The following SEL1L2 variants were observed in gnomAD, a reference collection of about 807,000 sequenced individuals.
SEL1L2 encodes SEL1L2 adaptor subunit of SYVN1 ubiquitin ligase, also known as protein sel-1 homolog 2.
In SEL1L2, 89 loss-of-function variants were observed where a neutral mutation model predicts 98.8. The observed-to-expected ratio is 0.90, with a 90% confidence interval of 0.76 to 1.07. The LOEUF (loss-of-function observed/expected upper bound fraction) is 1.07. SEL1L2 is among the 50% of genes least tolerant of loss of function. The pLI is 0.00. For missense variants in SEL1L2, 788 were observed against 812.0 expected, an observed-to-expected ratio of 0.97 and a Z score of 0.36; for synonymous variants, 262 against 278.5, an observed-to-expected ratio of 0.94 and a Z score of 0.59.
In SEL1L2 at chr20:13,990,589, C is replaced by T. The variant is rs3848777; in HGVS notation, c.-55G>A. ...ACACAGGCAGAAACTAGGTGATTGGCCCAAGAGCTCCTCTTCTCAGGGACT... is the reference window on the plus strand; with the variant it reads ...ACACAGGCAGAAACTAGGTGATTGGTCCAAGAGCTCCTCTTCTCAGGGACT... On this transcript the variant is annotated 5_prime_UTR_variant, in exon 1 of 20. Coordinates refer to ENST00000284951, the MANE Select transcript of SEL1L2 (RefSeq NM_025229.2). 222,520 of 1,357,468 alleles carry T rather than the reference C, an allele frequency of 0.16. 18,913 individuals carry two copies. Among genetic ancestry groups the T allele is most frequent in the Admixed American group, 0.24 (13,216 of 55,776 alleles). 84.1% of individuals were successfully genotyped at this position (1,357,468 alleles called of 1,614,324 possible).
upstream of SEL1L2, among the ~76,000 whole-genome samples, chr20:13,991,744 G>C (rs961147008): frequency 3.3e-5 from 5 of 152,200 alleles, no homozygotes; most frequent in Non-Finnish European, 7.3e-5. Flanking sequence ...TGTAATCCCA[G>C]CACTTTGGGA....
intron 12 of SEL1L2, among the ~76,000 whole-genome samples, chr20:13,870,491 C>A (rs1234658495): frequency 6.6e-6 from 1 of 152,090 alleles, no homozygotes; most frequent in African/African-American, 2.4e-5. Context: ...GCAGAGGTAG[C>A]AGGTGAAAGG....
At chr20:13,948,030 G>A (rs1480601777) in intron 2 of SEL1L2, among the ~76,000 whole-genome samples, 1 of 152,222 alleles carries the variant, frequency 6.6e-6, no homozygotes, top group Admixed American at 6.5e-5. Context: ...CAAGTGGCCA[G>A]AATGAGCACA....
intron 1 of SEL1L2, among the ~76,000 whole-genome samples, chr20:13,962,586 T>C (rs6110105): frequency 0.27 from 40,445 of 152,148 alleles, 5,895 homozygotes; most frequent in Admixed American, 0.4. Context: ...TAAATCATTG[T>C]TGTTTGAACT....
intron 2 of SEL1L2, 45 bp downstream of exon 2, chr20:13,956,031 C>T (rs777454036): frequency 1.7e-6 from 2 of 1,147,402 alleles, no homozygotes; most frequent in South Asian, 2.7e-5. Context: ...TGCCTATAGC[C>T]TAAATTTTCT....
chr20:13,947,525 T>C (rs931119493), intron 2 of SEL1L2, among the ~76,000 whole-genome samples: 1 of 152,216 alleles, frequency 6.6e-6, no homozygotes, highest in African/African-American at 2.4e-5. Context: ...ATTGTCTGCG[T>C]ATCTCATTCT....
intron 4 of SEL1L2, chr20:13,915,131 A>G: frequency 7.8e-7 from 1 of 1,289,786 alleles, no homozygotes; most frequent in Non-Finnish European, 1.0e-6. Flanking sequence ...CTTTATGTAC[A>G]GCCCATCCAT....
At chr20:13,920,802 CT>C (rs1428463854) in intron 3 of SEL1L2, among the ~76,000 whole-genome samples, 1 of 151,664 alleles carries the variant, frequency 6.6e-6, no homozygotes, top group Non-Finnish European at 1.5e-5. Flanking sequence ...GCTCATTTTT[CT>C]TTTTAAATTA....
chr20:13,902,958 A>G (rs1328797336), intron 5 of SEL1L2, among the ~76,000 whole-genome samples: 1 of 152,040 alleles, frequency 6.6e-6, no homozygotes, highest in Non-Finnish European at 1.5e-5. Context: ...TCTACTAAAA[A>G]TACAAAAATT....
intron 1 of SEL1L2, among the ~76,000 whole-genome samples, chr20:13,981,465 A>G (rs1489659754): frequency 6.6e-6 from 1 of 152,226 alleles, no homozygotes; most frequent in Non-Finnish European, 1.5e-5. Flanking sequence ...TCACCACAAA[A>G]AATGGTACTT....
intron 5 of SEL1L2, among the ~76,000 whole-genome samples, chr20:13,907,500 T>C (rs567604613): frequency 6.6e-6 from 1 of 152,140 alleles, no homozygotes; most frequent in South Asian, 2.1e-4. Context: ...GCCCAGGAAG[T>C]TGAGGGTACA....
At chr20:13,952,203 TA>T (rs2050307922) in intron 2 of SEL1L2, among the ~76,000 whole-genome samples, 1 of 152,146 alleles carries the variant, frequency 6.6e-6, no homozygotes, top group African/African-American at 2.4e-5. Context: ...CATGTACCCC[TA>T]CCAAGACACA....
In SEL1L2 at chr20:13,877,555, C is replaced by G. The variant is rs373099694; in HGVS notation, c.991G>C (p.Ala331Pro). Residue 331 changes from alanine (A) to proline (P), a missense_variant, in exon 11 of 20, where the codon GCC becomes CCC. Physicochemically the swap from Ala to Pro is conservative, Grantham distance 27. Transcript: ENST00000284951. The part of the protein sequence containing the change: ...ALHYFLKAAK[A>P]GSANAMAFIG... ...AATGCCATGGCATTTGCACTCCCGG[C>G]CTTTGCTGCCTTTAAGAAGTAGTGT... 6.2e-7 allele frequency: 1 copy of G among 1,613,272 alleles called. No homozygotes were observed. Among genetic ancestry groups the G allele is most frequent in the Non-Finnish European group, 8.5e-7 (1 of 1,179,486 alleles).
rs1600912554 is a variant in SEL1L2, at chr20:13,956,281, T to C, written c.59-150A>G. 5.6e-6 allele frequency: 3 copies of C among 539,946 alleles called. No individual in the cohort carries two copies. The East Asian group carries it at 9.8e-5, about 18-fold the overall frequency. The allele number at this position is 539,946 out of a possible 1,614,324, so 33.4% of individuals were successfully genotyped here. ...ATAATTTATAATTTAGAGTTCCTAATAATGTGTTAAAAATAATTCCTTCAC... is the reference window on the plus strand; with the variant it reads ...ATAATTTATAATTTAGAGTTCCTAACAATGTGTTAAAAATAATTCCTTCAC... On this transcript the variant is annotated intron_variant, in intron 1 of 19. Coordinates refer to ENST00000284951, the MANE Select transcript of SEL1L2 (RefSeq NM_025229.2).
At chr20:13,967,455 C>T (rs2051102706) in intron 1 of SEL1L2, among the ~76,000 whole-genome samples, 1 of 152,126 alleles carries the variant, frequency 6.6e-6, no homozygotes, top group Admixed American at 6.5e-5. Context: ...ATTTAAAAGG[C>T]ACAGATACAG....
At chr20:13,870,265 G>A in intron 12 of SEL1L2, 62 bp from the exon 13 acceptor site, 6 of 1,341,776 alleles carry the variant, frequency 4.5e-6, no homozygotes, top group South Asian at 3.8e-5. Flanking sequence ...GAAAATTACT[G>A]CAAAATTTTT....
chr20:13,866,982 T>C (rs1991148739), intron 14 of SEL1L2, 132 bp from the exon 15 acceptor site: 2 of 837,280 alleles, frequency 2.4e-6, no homozygotes, highest in Admixed American at 3.8e-5. Flanking sequence ...GTCAAGCTAC[T>C]CTAAATCCAC....
chr20:13,918,883 C>T (rs2048524281), intron 4 of SEL1L2, 138 bp downstream of exon 4: 2 of 610,978 alleles, frequency 3.3e-6, no homozygotes, highest in African/African-American at 1.9e-5. Context: ...CAATTTGATC[C>T]TTTTAAAAAC....
chr20:13,880,921 G>A (rs2046672482), intron 10 of SEL1L2, among the ~76,000 whole-genome samples: 1 of 152,022 alleles, frequency 6.6e-6, no homozygotes, highest in Non-Finnish European at 1.5e-5. Flanking sequence ...ATTTTTCATT[G>A]GCTCTAAGAA....
Sources: allele counts gnomAD v4.1 joint callset (sites outside exome capture counted in the v4.1 genomes callset), GRCh38; gene constraint gnomAD v4.1.1; transcripts MANE v1.5; gene names NCBI Gene and HGNC (gene_info 2026-07-23, HGNC 2026-07-21).